The following TMTC1 variants were observed in gnomAD, a reference collection of about 807,000 sequenced individuals.
The protein encoded by TMTC1 is protein O-mannosyl-transferase TMTC1.
TMTC1 carries 73 observed loss-of-function variants against 104.8 expected under a neutral mutation model. The ratio of observed to expected loss-of-function variants is 0.70; its 90% CI spans 0.58 to 0.85. TMTC1 has a LOEUF of 0.85. Ranked by LOEUF, TMTC1 falls within the 40% of genes least tolerant of loss-of-function variation. TMTC1 has a pLI of 0.00. For synonymous variants in TMTC1, 434 were observed against 428.7 expected, an observed-to-expected ratio of 1.01 and a Z score of -0.15; for missense variants, 1,035 against 1,096.1, an observed-to-expected ratio of 0.94 and a Z score of 0.79.
intron 5 of TMTC1, among the ~76,000 whole-genome samples, chr12:29,656,259 G>A (rs997771694): frequency 6.6e-6 from 1 of 151,562 alleles, no homozygotes; most frequent in African/African-American, 2.4e-5. Context: ...CAATTCTAAT[G>A]TGGCCACCTC....
intron 5 of TMTC1, among the ~76,000 whole-genome samples, chr12:29,746,276 A>G (rs908527498): frequency 5.9e-5 from 9 of 152,212 alleles, no homozygotes; most frequent in African/African-American, 9.6e-5. Context: ...CAGCAGCTGA[A>G]TGAGACTGAA....
At chr12:29,689,503 G>A (rs1360393822) in intron 5 of TMTC1, among the ~76,000 whole-genome samples, 2 of 151,964 alleles carry the variant, frequency 1.3e-5, no homozygotes, top group Non-Finnish European at 2.9e-5. Flanking sequence ...TAGTAGAGAT[G>A]GGGGTTTCAC....
chr12:29,517,007 A>G lies in TMTC1; in HGVS notation c.2169+420T>C, dbSNP rs547518370. On this transcript the variant is annotated intron_variant, in intron 14 of 17. Coordinates refer to ENST00000539277, the MANE Select transcript of TMTC1 (RefSeq NM_001193451.2). The stretch of plus-strand genomic sequence containing the variant: ...AGAGATAAAGGGGAATGATATATAC[A>G]ACTAATTCCCACATGGTTCAGGAAA... 2.7e-4 allele frequency among the ~76,000 whole-genome samples: 41 copies of G among 152,312 alleles called. No homozygotes were observed. In the South Asian group the frequency reaches 7.9e-3, roughly 29 times the overall value.
At chr12:29,637,593 G>T (rs1230053648) in intron 5 of TMTC1, among the ~76,000 whole-genome samples, 2 of 152,320 alleles carry the variant, frequency 1.3e-5, no homozygotes, top group Non-Finnish European at 2.9e-5. Context: ...AGCTGAGGCT[G>T]TGGGGAAAAT....
chr12:29,610,430 T>C (rs1946815837), intron 6 of TMTC1, among the ~76,000 whole-genome samples: 1 of 152,208 alleles, frequency 6.6e-6, no homozygotes, highest in South Asian at 2.1e-4. Flanking sequence ...AACCAATTTC[T>C]CAATAGCTGG....
At chr12:29,703,385 T>A (rs1338764573) in intron 5 of TMTC1, among the ~76,000 whole-genome samples, 1 of 152,196 alleles carries the variant, frequency 6.6e-6, no homozygotes, top group Non-Finnish European at 1.5e-5. Context: ...TATGTTATTA[T>A]CAAGAGAAGA....
chr12:29,780,416 C>T (rs1943807505), intron 1 of TMTC1, among the ~76,000 whole-genome samples: 1 of 152,086 alleles, frequency 6.6e-6, no homozygotes, highest in African/African-American at 2.4e-5. Context: ...CTATGTGATT[C>T]CATTTATACA....
chr12:29,773,861 A>G (rs1409747534), intron 1 of TMTC1, among the ~76,000 whole-genome samples: 1 of 152,162 alleles, frequency 6.6e-6, no homozygotes, highest in East Asian at 1.9e-4. Context: ...ATGAAGTCAG[A>G]AAGTCCACCT....
intron 5 of TMTC1, among the ~76,000 whole-genome samples, chr12:29,687,332 T>C (rs12230211): frequency 0.14 from 21,016 of 152,148 alleles, 1,735 homozygotes; most frequent in East Asian, 0.34. Context: ...CCAAAATGCA[T>C]AACCCAAATA....
chr12:29,689,727 G>A (rs1466147523), intron 5 of TMTC1, among the ~76,000 whole-genome samples: 1 of 152,114 alleles, frequency 6.6e-6, no homozygotes, highest in Non-Finnish European at 1.5e-5. Context: ...GGCTTTGTGG[G>A]GTTGTCATAA....
intron 6 of TMTC1, among the ~76,000 whole-genome samples, chr12:29,628,953 C>T (rs921830326): frequency 7.2e-5 from 11 of 152,060 alleles, no homozygotes; most frequent in African/African-American, 1.7e-4. Flanking sequence ...TCAGAGACTG[C>T]GCCCGGCCTC....
chr12:29,677,611 T>C (rs889169238), intron 5 of TMTC1, among the ~76,000 whole-genome samples: 1 of 152,234 alleles, frequency 6.6e-6, no homozygotes, highest in Non-Finnish European at 1.5e-5. Flanking sequence ...AAAAAATTCA[T>C]AAGTTTTAAA....
At chr12:29,631,861 A>G (rs1938313550) in intron 6 of TMTC1, among the ~76,000 whole-genome samples, 1 of 152,180 alleles carries the variant, frequency 6.6e-6, no homozygotes, top group African/African-American at 2.4e-5. Flanking sequence ...TCTTGTGCCA[A>G]CATGGCTTTG....
intron 5 of TMTC1, among the ~76,000 whole-genome samples, chr12:29,664,941 G>A (rs1940216590): frequency 6.6e-6 from 1 of 152,156 alleles, no homozygotes; most frequent in Non-Finnish European, 1.5e-5. Flanking sequence ...AGAACTAAGG[G>A]TCCAGGGTTC....
intron 5 of TMTC1, among the ~76,000 whole-genome samples, chr12:29,715,228 T>C (rs1942043044): frequency 6.6e-6 from 1 of 152,192 alleles, no homozygotes; most frequent in African/African-American, 2.4e-5. Context: ...AAAAATGATA[T>C]TTATGAAAGA....
At chr12:29,745,732 C>A (rs1484701129) in intron 5 of TMTC1, among the ~76,000 whole-genome samples, 6 of 151,634 alleles carry the variant, frequency 4.0e-5, no homozygotes, top group Admixed American at 2.6e-4. Flanking sequence ...ACGACAGGAC[C>A]CTGAGTATAA....
intron 5 of TMTC1, among the ~76,000 whole-genome samples, chr12:29,719,213 G>A (rs776748931): frequency 2.6e-5 from 4 of 152,148 alleles, no homozygotes; most frequent in African/African-American, 9.7e-5. Flanking sequence ...TATAAAGTCT[G>A]TGGGTCTAAT....
At chr12:29,722,431 A>G (rs1455233929) in intron 5 of TMTC1, among the ~76,000 whole-genome samples, 2 of 152,216 alleles carry the variant, frequency 1.3e-5, no homozygotes, top group African/African-American at 4.8e-5. Flanking sequence ...AACCAATAAT[A>G]TAATCTCTTA....
At chr12:29,576,448 C>T (rs1050322299) in intron 8 of TMTC1, among the ~76,000 whole-genome samples, 2 of 152,064 alleles carry the variant, frequency 1.3e-5, no homozygotes, top group Non-Finnish European at 2.9e-5. Context: ...AAACATTATT[C>T]AGCCTTAAAA....
Sources: gnomAD v4.1 joint callset for allele counts (sites outside exome capture counted in the v4.1 genomes callset) on GRCh38, gnomAD v4.1.1 for gene constraint, MANE v1.5 for transcripts, NCBI Gene and HGNC (gene_info 2026-07-23, HGNC 2026-07-21) for gene names.